Variants in HID1 observed in about 807,000 individuals in gnomAD.
HID1 encodes HID1 domain containing.
HID1 carries 42 observed loss-of-function variants against 89.7 expected under a neutral mutation model. The ratio of observed to expected loss-of-function variants is 0.47; its 90% CI spans 0.37 to 0.61. HID1 has a LOEUF of 0.61. Ranked by LOEUF, HID1 falls within the 20% of genes least tolerant of loss-of-function variation. The pLI is 0.00. For missense variants in HID1, 854 were observed against 1,039.3 expected, an observed-to-expected ratio of 0.82 and a Z score of 2.45; for synonymous variants, 442 against 433.8, an observed-to-expected ratio of 1.02 and a Z score of -0.24.
In HID1 at chr17:74,962,889, G is replaced by A. The variant is rs2039504301; in HGVS notation, c.504+76C>T. The stretch of plus-strand genomic sequence containing the variant: ...GGCCCCCAGTGCAATCCGCCCAAGG[G>A]AACTTCAACTGGCCCGGCCCCAACC... On this transcript the variant is annotated intron_variant, in intron 4 of 18. Transcript: ENST00000425042. This position sits in a 1 kb window ranked among gnomAD's most constrained non-coding sequence, Gnocchi z 4.3. 2 of 1,065,668 alleles carry A rather than the reference G, an allele frequency of 1.9e-6. No homozygotes were observed. The highest frequency in any genetic ancestry group is 2.8e-6 in the Non-Finnish European group (2 of 711,798). 66.0% of individuals were successfully genotyped at this position (1,065,668 alleles called of 1,614,324 possible).
intron 13 of HID1, 33 bp downstream of exon 13, chr17:74,955,759 C>T: frequency 6.2e-7 from 1 of 1,608,216 alleles, no homozygotes; most frequent in Non-Finnish European, 8.5e-7. Context: ...CGCTGGCCAC[C>T]CTGACCACCA....
Position 74,958,817 on chromosome 17 carries a change from G to A in HID1, c.1150-54C>T. 6.3e-7 allele frequency: 1 copy of A among 1,597,676 alleles called. No individual in the cohort carries two copies. The highest frequency in any genetic ancestry group is 8.5e-7 in the Non-Finnish European group (1 of 1,169,746). On this transcript the variant is annotated intron_variant, in intron 9 of 18. Coordinates refer to ENST00000425042, the MANE Select transcript of HID1 (RefSeq NM_030630.3). This position sits in a 1 kb window ranked among gnomAD's most constrained non-coding sequence, Gnocchi z 5.2. ...CTGAGTTCAAGGGAGGGGCAGCTCTGCCCCACCCCCCTCAGTCTGACACTG... is the reference window on the plus strand; with the variant it reads ...CTGAGTTCAAGGGAGGGGCAGCTCTACCCCACCCCCCTCAGTCTGACACTG...
chr17:74,963,991 G>T, intron 2 of HID1, 81 bp from the exon 3 acceptor site: 1 of 1,488,318 alleles, frequency 6.7e-7, no homozygotes, highest in African/African-American at 1.4e-5. Context: ...TGGGCACCCA[G>T]GCTGCAGAGG....
intron 6 of HID1, 97 bp from the exon 7 acceptor site, chr17:74,960,345 C>A: frequency 9.3e-7 from 1 of 1,073,110 alleles, no homozygotes; most frequent in Non-Finnish European, 1.3e-6. Flanking sequence ...CCTCATTCAA[C>A]AAGCATTTTA....
rs1371624554 is a variant in HID1 at position 74,950,951 on chromosome 17, G to A, written c.*619C>T. On this transcript the variant is annotated 3_prime_UTR_variant, in exon 19 of 19. Coordinates refer to ENST00000425042, the MANE Select transcript of HID1 (RefSeq NM_030630.3). ...GCCCCTCATTACTGGGTAAGAGGGA[G>A]CCAGGCTATTTCCATGGATCCAGGA... The A allele has an allele frequency of 1.3e-5, 2 of 152,472 alleles. No individual in the cohort carries two copies. The highest frequency in any genetic ancestry group is 2.4e-5 in the African/African-American group (1 of 41,426). 9.4% of individuals were successfully genotyped at this position (152,472 alleles called of 1,614,324 possible).
In HID1 at chr17:74,958,821, C is replaced by T; in HGVS notation, c.1150-58G>A. 6.3e-7 allele frequency: 1 copy of T among 1,595,688 alleles called. No homozygotes were observed. Among genetic ancestry groups the T allele is most frequent in the Non-Finnish European group, 8.6e-7 (1 of 1,169,066 alleles). The stretch of plus-strand genomic sequence containing the variant: ...GTTCAAGGGAGGGGCAGCTCTGCCC[C>T]ACCCCCCTCAGTCTGACACTGTCCC... On this transcript the variant is annotated intron_variant, in intron 9 of 18. Coordinates refer to ENST00000425042, the MANE Select transcript of HID1 (RefSeq NM_030630.3). The surrounding 1 kb of genome is among the most constrained non-coding windows in gnomAD (Gnocchi z 5.2).
intron 3 of HID1, 141 bp from the exon 4 acceptor site, chr17:74,963,222 C>T (rs2039512008): frequency 1.7e-6 from 1 of 598,498 alleles, no homozygotes; most frequent in African/African-American, 1.9e-5. Flanking sequence ...GAAGTGGACT[C>T]CTGGTTGCCC....
In HID1 at chr17:74,962,742, G is replaced by T. The variant is rs572203646; in HGVS notation, c.504+223C>A. Among the ~76,000 whole-genome samples, 1 of 152,274 alleles carries T rather than the reference G, an allele frequency of 6.6e-6. No individual in the cohort carries two copies. Among genetic ancestry groups the T allele is most frequent in the Admixed American group, 6.5e-5 (1 of 15,302 alleles). On this transcript the variant is annotated intron_variant, in intron 4 of 18. Transcript: ENST00000425042. The surrounding 1 kb of genome is among the most constrained non-coding windows in gnomAD (Gnocchi z 4.3). ...ACCCCTGGGCAAGCAAAGACAATGG[G>T]TGTCTGTGCCCAGCCATCCGAACGC... is the stretch of plus-strand genomic sequence containing the variant.
Position 74,958,492 on chromosome 17 carries a change from CGTGGGAGGGGTCACTCGG to C in HID1, c.1241-32_1241-15del, listed in dbSNP as rs757732382. 8.7e-5 allele frequency: 137 copies of C among 1,583,714 alleles called. No homozygotes were observed. Among genetic ancestry groups the C allele is most frequent in the Non-Finnish European group, 1.1e-4 (126 of 1,165,330 alleles). ...GGCCCACCCGAGCTGCGGCAGGTGG[CGTGGGAGGGGTCACTCGG>C]GTGGGAGGGGGAAGGAGGGGCCCAG... On this transcript the variant is annotated splice_polypyrimidine_tract_variant and intron_variant, in intron 10 of 18. Transcript: ENST00000425042. This position sits in a 1 kb window ranked among gnomAD's most constrained non-coding sequence, Gnocchi z 5.2.
chr17:74,965,005 G>A (rs1293291288), intron 1 of HID1, among the ~76,000 whole-genome samples: 1 of 152,258 alleles, frequency 6.6e-6, no homozygotes, highest in Non-Finnish European at 1.5e-5. Flanking sequence ...CAGGGATCCA[G>A]GTCAAGACCA....
Position 74,958,729 on chromosome 17 carries a change from A to G in HID1, c.1184T>C (p.Val395Ala). Residue 395 changes from valine to alanine, a missense_variant, in exon 10 of 19, where the codon GTC becomes GCC. By Grantham distance (64) the Val-to-Ala change is moderately conservative. Transcript: ENST00000425042. The surrounding 1 kb of genome is among the most constrained non-coding windows in gnomAD (Gnocchi z 5.2). ...FLFFVLKSSD[V>A]LDILVPILFF... is the part of the protein sequence containing the mutation. ...GAGGATGGGGACAAGGATGTCTAGG[A>G]CGTCGCTGCTCTTCAGCACGAAGAA... The G allele has an allele frequency of 6.3e-7, 1 of 1,597,376 alleles. No individual in the cohort carries two copies. The highest frequency in any genetic ancestry group is 8.5e-7 in the Non-Finnish European group (1 of 1,174,738).
In HID1 at chr17:74,962,856, AG is replaced by A. The variant is rs1446092359; in HGVS notation, c.504+108del. ...GTGCCAGGCAGCTCAGCTCTCCTGG[AG>A]CCCCCCGGCCCCCAGTGCAATCCGC... On this transcript the variant is annotated intron_variant, in intron 4 of 18. Transcript: ENST00000425042. The surrounding 1 kb of genome is among the most constrained non-coding windows in gnomAD (Gnocchi z 4.3). 1 of 765,616 alleles carries A rather than the reference AG, an allele frequency of 1.3e-6. No homozygotes were observed. The highest frequency in any genetic ancestry group is 2.6e-5 in the East Asian group (1 of 38,184). The allele number at this position is 765,616 out of a possible 1,614,324, so 47.4% of individuals were successfully genotyped here. A position where few individuals can be genotyped will look rare whatever the true frequency, so the allele number is the denominator to read the frequency against.
At chr17:74,971,033 G>A (rs1383841226) in intron 1 of HID1, among the ~76,000 whole-genome samples, 2 of 152,200 alleles carry the variant, frequency 1.3e-5, no homozygotes, top group Admixed American at 6.5e-5. Context: ...CCCATCATAG[G>A]GCTGTAGCCA....
In HID1 at chr17:74,972,530, C is replaced by T. The variant is rs1202060843; in HGVS notation, c.66+61G>A. 1 of 1,459,950 alleles carries T rather than the reference C, an allele frequency of 6.8e-7. No individual in the cohort carries two copies. The highest frequency in any genetic ancestry group is 9.3e-7 in the Non-Finnish European group (1 of 1,075,222). 90.4% of individuals were successfully genotyped at this position (1,459,950 alleles called of 1,614,324 possible). ...CCGACGAGCCAAGTTCGCGTACCCC[C>T]GGCCCTGCCCAGCCCCCAGCCCGGC... On this transcript the variant is annotated intron_variant, in intron 1 of 18. Coordinates refer to ENST00000425042, the MANE Select transcript of HID1 (RefSeq NM_030630.3). The surrounding 1 kb of genome is among the most constrained non-coding windows in gnomAD (Gnocchi z 6.4).
intron 13 of HID1, among the ~76,000 whole-genome samples, chr17:74,955,247 C>T (rs2039371055): frequency 6.6e-6 from 1 of 152,210 alleles, no homozygotes; most frequent in South Asian, 2.1e-4. Flanking sequence ...CTGTACTTCC[C>T]TTTTATCACA....
Position 74,951,182 on chromosome 17 carries a change from C to T in HID1, c.*388G>A. The T allele has an allele frequency of 4.5e-6, 1 of 222,230 alleles. No individual in the cohort carries two copies. The highest frequency in any genetic ancestry group is 8.8e-6 in the Non-Finnish European group (1 of 113,108). The allele number at this position is 222,230 out of a possible 1,614,324, so 13.8% of individuals were successfully genotyped here. ...CCTGTCCAGGCACCTCAAGGGACAG[C>T]CCGTGGTTCCCTGGTCAAACCCCTT... On this transcript the variant is annotated 3_prime_UTR_variant, in exon 19 of 19. Transcript: ENST00000425042.
chr17:74,952,970 C>G (rs1331787499), intron 16 of HID1, 36 bp downstream of exon 16: 2 of 1,536,054 alleles, frequency 1.3e-6, no homozygotes, highest in Non-Finnish European at 1.8e-6. Flanking sequence ...GCCCAAACCC[C>G]AGCCCCCGCT....
chr17:74,955,382 TC>T (rs1182972660), intron 13 of HID1, among the ~76,000 whole-genome samples: 1 of 152,002 alleles, frequency 6.6e-6, no homozygotes. Flanking sequence ...GCGCCTGTAA[TC>T]CCAGCTACTT....
chr17:74,958,924 C>A lies in HID1; in HGVS notation c.1136G>T (p.Cys379Phe). 1 of 1,593,762 alleles carries A rather than the reference C, an allele frequency of 6.3e-7. No individual in the cohort carries two copies. The highest frequency in any genetic ancestry group is 8.5e-7 in the Non-Finnish European group (1 of 1,172,460). The part of the protein sequence containing the change: ...QELLVLFWKL[C>F]DFNKKFLFFV... ...AGGCTGGCCCACCTTGTTGAAGTCG[C>A]AGAGCTTCCAGAAGAGAACTAGCAG... is the stretch of plus-strand genomic sequence containing the variant. The change falls in exon 9 of 19, where the codon TGC becomes TTC. Residue 379 changes from cysteine (C) to phenylalanine (F), a missense_variant. Transcript: ENST00000425042. This position sits in a 1 kb window ranked among gnomAD's most constrained non-coding sequence, Gnocchi z 5.2.
Sources: gnomAD v4.1 joint callset for allele counts (sites outside exome capture counted in the v4.1 genomes callset) on GRCh38, gnomAD v4.1.1 for gene constraint, Gnocchi (gnomAD v3.1) non-coding constraint, MANE v1.5 for transcripts, NCBI Gene and HGNC (gene_info 2026-07-23, HGNC 2026-07-21) for gene names.